Variants in DENND1A observed in about 807,000 individuals in gnomAD.
DENND1A encodes the protein DENN domain containing 1A.
A neutral mutation model predicts 113.7 loss-of-function variants in DENND1A; 51 were observed. The observed-to-expected ratio is 0.45, with a 90% CI of 0.36 to 0.57. The LOEUF is 0.57. Ranked by LOEUF, DENND1A falls within the 20% of genes least tolerant of loss-of-function variation. DENND1A has a pLI of 0.00. For missense variants in DENND1A, 1,258 were observed against 1,395.9 expected, an observed-to-expected ratio of 0.90 and a Z score of 1.57; for synonymous variants, 565 against 570.8, an observed-to-expected ratio of 0.99 and a Z score of 0.14.
chr9:123,871,265 G>C (rs970391871), intron 2 of DENND1A, among the ~76,000 whole-genome samples: 1 of 152,040 alleles, frequency 6.6e-6, no homozygotes, highest in Admixed American at 6.5e-5. Flanking sequence ...TGTATGTTTA[G>C]TAAAGACAGG....
At chr9:123,855,998 T>C (rs1023899803) in intron 2 of DENND1A, among the ~76,000 whole-genome samples, 4 of 152,024 alleles carry the variant, frequency 2.6e-5, no homozygotes, top group African/African-American at 4.8e-5. Context: ...GATCGCGCCA[T>C]TGCACTCCAG....
At position 123,467,069 on chromosome 9, in the gene DENND1A, AAAAAC is replaced by A. The variant is rs372292471; in HGVS notation, c.994-9177_994-9173del. Reference sequence around the variant, plus strand: ...TCTCAGGAAAAAAACCCAAAAAAACAAAAACAAAACAAAACAAAACAAAACAAAAA... The same window carrying A: ...TCTCAGGAAAAAAACCCAAAAAAACAAAAACAAAACAAAACAAAACAAAAA... On this transcript the variant is annotated intron_variant, in intron 13 of 23. Coordinates refer to ENST00000394215, the MANE Select transcript of DENND1A (RefSeq NM_001352964.2). Among the ~76,000 whole-genome samples the A allele has an allele frequency of 4.7e-3, 720 of 152,272 alleles. 10 individuals carry two copies. The highest frequency in any genetic ancestry group is 0.016 in the African/African-American group (644 of 41,544).
chr9:123,785,745 C>T (rs1184331389), intron 3 of DENND1A, among the ~76,000 whole-genome samples: 2 of 147,610 alleles, frequency 1.4e-5, no homozygotes, highest in Non-Finnish European at 3.0e-5. Context: ...GGCTATCATG[C>T]TAACAATCAG....
chr9:123,784,283 G>A (rs1200038352), intron 3 of DENND1A, among the ~76,000 whole-genome samples: 1 of 152,160 alleles, frequency 6.6e-6, no homozygotes, highest in Non-Finnish European at 1.5e-5. Flanking sequence ...CTAAAGAGAA[G>A]TTATGTGATT....
chr9:123,658,298 T>G (rs1336909658), intron 8 of DENND1A, among the ~76,000 whole-genome samples: 1 of 151,482 alleles, frequency 6.6e-6, no homozygotes, highest in African/African-American at 2.4e-5. Flanking sequence ...ACCTGGACAC[T>G]AAAAAAAAAT....
intron 2 of DENND1A, among the ~76,000 whole-genome samples, chr9:123,805,266 A>G (rs1835341616): frequency 6.6e-6 from 1 of 152,070 alleles, no homozygotes; most frequent in African/African-American, 2.4e-5. Flanking sequence ...CATATTATAT[A>G]CAGGTAGAGT....
At chr9:123,562,109 T>G (rs2057791171) in intron 12 of DENND1A, among the ~76,000 whole-genome samples, 1 of 152,134 alleles carries the variant, frequency 6.6e-6, no homozygotes, top group Non-Finnish European at 1.5e-5. Flanking sequence ...ACTTTGATCC[T>G]CCATCAAAAC....
intron 5 of DENND1A, among the ~76,000 whole-genome samples, chr9:123,711,513 GTA>G (rs56814463): frequency 0.33 from 40,238 of 120,746 alleles, 6,357 homozygotes; most frequent in East Asian, 0.59. Context: ...ATGTATATAT[GTA>G]TATATATATA....
intron 18 of DENND1A, among the ~76,000 whole-genome samples, chr9:123,447,230 G>A (rs562116583): frequency 6.6e-6 from 1 of 152,346 alleles, no homozygotes; most frequent in African/African-American, 2.4e-5. Context: ...GACTTCAAAG[G>A]AGGCCAAGCT....
At position 123,585,861 on chromosome 9, in the gene DENND1A, T is replaced by C. The variant is rs552257993; in HGVS notation, c.766-2591A>G. On this transcript the variant is annotated intron_variant, in intron 11 of 23. Coordinates refer to ENST00000394215, the MANE Select transcript of DENND1A (RefSeq NM_001352964.2). ...ACTGTGGCCACCCTGCTTCTCTCAC[T>C]CCCCCTAGGGCTGCTGTGATGAGAG... Among the ~76,000 whole-genome samples, 4 of 152,058 alleles carry C rather than the reference T, an allele frequency of 2.6e-5. No individual in the cohort carries two copies. The East Asian group carries it at 7.7e-4, about 29-fold the overall frequency.
intron 13 of DENND1A, among the ~76,000 whole-genome samples, chr9:123,488,511 G>C (rs533884737): frequency 3.9e-5 from 6 of 152,302 alleles, no homozygotes; most frequent in African/African-American, 1.4e-4. Flanking sequence ...TTCTCTTCTT[G>C]ATGGGCAAGA....
At chr9:123,535,320 T>G (rs2055664696) in intron 13 of DENND1A, among the ~76,000 whole-genome samples, 1 of 152,166 alleles carries the variant, frequency 6.6e-6, no homozygotes, top group African/African-American at 2.4e-5. Flanking sequence ...GTGGTGTGCA[T>G]CTGTAGTCCC....
At chr9:123,664,035 A>C (rs2063378032) in intron 8 of DENND1A, among the ~76,000 whole-genome samples, 1 of 152,172 alleles carries the variant, frequency 6.6e-6, no homozygotes. Context: ...TCCCGGTTGC[A>C]CACTTTGAAA....
At chr9:123,680,151 G>A (rs2064347517) in intron 5 of DENND1A, among the ~76,000 whole-genome samples, 1 of 152,136 alleles carries the variant, frequency 6.6e-6, no homozygotes, top group Non-Finnish European at 1.5e-5. Flanking sequence ...GCATCATCAT[G>A]ACCCAATCAG....
At chr9:123,736,089 T>C (rs2068541906) in intron 5 of DENND1A, among the ~76,000 whole-genome samples, 2 of 152,156 alleles carry the variant, frequency 1.3e-5, no homozygotes, top group South Asian at 2.1e-4. Flanking sequence ...GGATAAGTAG[T>C]TCTAATGAGA....
chr9:123,550,528 G>A (rs1297047979), intron 13 of DENND1A, among the ~76,000 whole-genome samples: 2 of 152,182 alleles, frequency 1.3e-5, no homozygotes, highest in East Asian at 3.9e-4. Context: ...CCAGACATGG[G>A]GAGAGGAACC....
intron 1 of DENND1A, among the ~76,000 whole-genome samples, chr9:123,922,677 C>A (rs1856466949): frequency 6.6e-6 from 1 of 152,274 alleles, no homozygotes; most frequent in Non-Finnish European, 1.5e-5. Flanking sequence ...ATCCTTATAT[C>A]CTGTATTTCA....
At chr9:123,750,878 C>T (rs549475305) in intron 5 of DENND1A, among the ~76,000 whole-genome samples, 76 of 152,138 alleles carry the variant, frequency 5.0e-4, no homozygotes, top group Non-Finnish European at 9.8e-4. Context: ...CAACCATAAA[C>T]AGCTTAAAAC....
intron 19 of DENND1A, among the ~76,000 whole-genome samples, chr9:123,416,925 C>T (rs7851052): frequency 0.26 from 39,047 of 152,156 alleles, 5,349 homozygotes; most frequent in East Asian, 0.38. Flanking sequence ...TTGACCTACA[C>T]CATGGGAAAA....
Sources: allele counts gnomAD v4.1 joint callset (sites outside exome capture counted in the v4.1 genomes callset), GRCh38; gene constraint gnomAD v4.1.1; transcripts MANE v1.5; gene names NCBI Gene and HGNC (gene_info 2026-07-23, HGNC 2026-07-21).